The following LOXHD1 variants were observed in gnomAD, a reference collection of about 807,000 sequenced individuals.
The protein encoded by LOXHD1 is lipoxygenase homology PLAT domains 1.
Under a neutral mutation model 248.2 loss-of-function variants are expected in LOXHD1, and 205 were observed. That is an observed-to-expected ratio of 0.83 (90% CI 0.74 to 0.93). The LOEUF (loss-of-function observed/expected upper bound fraction) is 0.93, where lower values mean the gene tolerates loss of function less well. Among genes scored for constraint, LOXHD1 ranks in the 40% least tolerant of loss-of-function variants. The probability of loss-of-function intolerance (pLI) is 0.00; values close to 1 mark genes in which losing one functional copy is unlikely to be tolerated. For missense variants in LOXHD1, 2,930 were observed against 2,971.6 expected, an observed-to-expected ratio of 0.99 and a Z score of 0.33; for synonymous variants, 1,113 against 1,162.8, an observed-to-expected ratio of 0.96 and a Z score of 0.87.
intron 4 of LOXHD1, among the ~76,000 whole-genome samples, chr18:46,624,609 T>C (rs1448977319): frequency 6.6e-6 from 1 of 152,156 alleles, no homozygotes; most frequent in East Asian, 1.9e-4. Flanking sequence ...CAGGCTCTCG[T>C]CTACTGTCTC....
intron 34 of LOXHD1, among the ~76,000 whole-genome samples, chr18:46,510,236 A>G (rs951766903): frequency 6.6e-6 from 1 of 152,178 alleles, no homozygotes; most frequent in Non-Finnish European, 1.5e-5. Flanking sequence ...AAAAGCTGTA[A>G]ATGAGATTCT....
At chr18:46,477,258 T>C, downstream of LOXHD1, 1 of 767,430 alleles carries the variant, frequency 1.3e-6, no homozygotes, top group Non-Finnish European at 2.3e-6. Context: ...AAAATTATTT[T>C]TGGGCAGCCA....
chr18:46,553,342 T>C (rs1311917525), intron 21 of LOXHD1, among the ~76,000 whole-genome samples: 2 of 152,218 alleles, frequency 1.3e-5, no homozygotes, highest in South Asian at 2.1e-4. Context: ...GTTGTACAGA[T>C]GGAAGGCCTG....
At position 46,507,729 on chromosome 18, in the gene LOXHD1, C is replaced by T. The variant is rs970616113; in HGVS notation, c.5518-17G>A. The stretch of plus-strand genomic sequence containing the variant: ...CAGTAGGATCTGGGGGAGAGGGAGC[C>T]ACCGTGGGAATGCCCTGTCCTCCCT... On this transcript the variant is annotated splice_polypyrimidine_tract_variant and intron_variant, in intron 35 of 40. Coordinates refer to ENST00000642948, the MANE Select transcript of LOXHD1 (RefSeq NM_001384474.1). The T allele has an allele frequency of 6.5e-7, 1 of 1,544,592 alleles. No homozygotes were observed. Among genetic ancestry groups the T allele is most frequent in the Non-Finnish European group, 8.8e-7 (1 of 1,141,998 alleles).
At chr18:46,568,652 C>T (rs527303864) in intron 16 of LOXHD1, among the ~76,000 whole-genome samples, 3 of 152,188 alleles carry the variant, frequency 2.0e-5, no homozygotes, top group Non-Finnish European at 4.4e-5. Context: ...GGTTCCACAA[C>T]CCACATGTGC....
intron 21 of LOXHD1, among the ~76,000 whole-genome samples, chr18:46,550,147 T>C (rs1411544242): frequency 1.3e-5 from 2 of 152,204 alleles, no homozygotes; most frequent in Non-Finnish European, 2.9e-5. Context: ...TACTCCCAAA[T>C]ATCCCACCAT....
At chr18:46,496,482 C>T (rs878968439) in intron 37 of LOXHD1, among the ~76,000 whole-genome samples, 1 of 152,174 alleles carries the variant, frequency 6.6e-6, no homozygotes, top group African/African-American at 2.4e-5. Flanking sequence ...TTTCCTCATA[C>T]GTGTCTATGC....
At position 46,507,522 on chromosome 18, in the gene LOXHD1, G is replaced by C; in HGVS notation, c.5692+16C>G. On this transcript the variant is annotated intron_variant, in intron 36 of 40. Transcript: ENST00000642948. ...AGTGGTAAGGGAGCGGGAGGTGTGA[G>C]GGACCCCCGACCCACCCAGGATGTC... The C allele has an allele frequency of 6.4e-7, 1 of 1,551,552 alleles. No homozygotes were observed. Among genetic ancestry groups the C allele is most frequent in the Non-Finnish European group, 8.7e-7 (1 of 1,146,912 alleles).
intron 6 of LOXHD1, among the ~76,000 whole-genome samples, chr18:46,606,859 T>C (rs969814818): frequency 6.6e-6 from 1 of 152,142 alleles, no homozygotes; most frequent in African/African-American, 2.4e-5. Context: ...AAAACACTTA[T>C]TTCCATCATT....
chr18:46,611,070 C>A, intron 5 of LOXHD1, 146 bp from the exon 6 acceptor site: 1 of 923,512 alleles, frequency 1.1e-6, no homozygotes, highest in Non-Finnish European at 1.6e-6. Context: ...TTACATCCCT[C>A]CAGTCTCTGA....
chr18:46,485,176 G>T (rs1598816351), intron 38 of LOXHD1, 25 bp from the exon 39 acceptor site: 3 of 1,544,022 alleles, frequency 1.9e-6, no homozygotes, highest in East Asian at 2.5e-5. Context: ...GTGGGGGAGG[G>T]TCAGCACAGG....
At position 46,559,373 on chromosome 18, in the gene LOXHD1, G is replaced by A. The variant is rs115062504; in HGVS notation, c.3216+75C>T. 3.6e-4 allele frequency: 556 copies of A among 1,550,584 alleles called. 3 individuals are homozygous for A. The African/African-American group carries it at 6.7e-3, about 19-fold the overall frequency. On this transcript the variant is annotated intron_variant, in intron 20 of 40. Coordinates refer to ENST00000642948, the MANE Select transcript of LOXHD1 (RefSeq NM_001384474.1). ...CCAAACACAGCAGCCATTGTGCTGCGATGGGCTGCCATGGGAATCTCAGAG... is the reference window on the plus strand; with the variant it reads ...CCAAACACAGCAGCCATTGTGCTGCAATGGGCTGCCATGGGAATCTCAGAG...
At position 46,521,140 on chromosome 18, in the gene LOXHD1, A is replaced by T; in HGVS notation, c.5228T>A (p.Val1743Asp). Reference sequence around the variant, plus strand: ...CACCATGGCATCCAAGAGGTCGAAGACACGGGAGGTGATGCCGTCGCCTCT... The same window carrying T: ...CACCATGGCATCCAAGAGGTCGAAGTCACGGGAGGTGATGCCGTCGCCTCT... The part of the protein sequence containing the change: ...KDRGDGITSR[V>D]FDLLDAMVVN... Residue 1743 changes from valine (V) to aspartate (D), a missense_variant, in exon 33 of 41, where the codon GTC becomes GAC. Val to Asp is a radical substitution (Grantham distance 152, BLOSUM62 -3). Transcript: ENST00000642948. 1.9e-6 allele frequency: 3 copies of T among 1,551,748 alleles called. No individual in the cohort carries two copies. The highest frequency in any genetic ancestry group is 2.6e-6 in the Non-Finnish European group (3 of 1,146,994).
chr18:46,573,851 G>T (rs1243936395), intron 14 of LOXHD1, among the ~76,000 whole-genome samples: 2 of 152,154 alleles, frequency 1.3e-5, no homozygotes, highest in African/African-American at 4.8e-5. Flanking sequence ...CAAGGGCTTT[G>T]GTGCTGTGAA....
intron 37 of LOXHD1, 131 bp downstream of exon 37, chr18:46,505,702 TGGTGG>T (rs1196260867): frequency 1.3e-4 from 112 of 842,970 alleles, no homozygotes; most frequent in Non-Finnish European, 1.8e-4. Context: ...AGCATCAATG[TGGTGG>T]TCATCAACTG....
intron 21 of LOXHD1, among the ~76,000 whole-genome samples, chr18:46,553,446 G>A (rs1246368324): frequency 6.6e-6 from 1 of 152,184 alleles, no homozygotes; most frequent in Admixed American, 6.5e-5. Context: ...GACCATCAGG[G>A]TTCCTTTCTT....
intron 29 of LOXHD1, among the ~76,000 whole-genome samples, chr18:46,525,377 T>C (rs2035782613): frequency 6.6e-6 from 1 of 152,026 alleles, no homozygotes; most frequent in African/African-American, 2.4e-5. Context: ...GGGAGGGGGT[T>C]TGAAATTCCC....
At chr18:46,506,046 C>T in intron 36 of LOXHD1, 23 bp from the exon 37 acceptor site, 1 of 1,550,770 alleles carries the variant, frequency 6.4e-7, no homozygotes, top group Non-Finnish European at 8.7e-7. Flanking sequence ...CAAGGTGAGG[C>T]TTAGGGTGCC....
Position 46,533,302 on chromosome 18 carries a change from G to C in LOXHD1, c.4235C>G (p.Pro1412Arg). 3 of 1,551,832 alleles carry C rather than the reference G, an allele frequency of 1.9e-6. No homozygotes were observed. Among genetic ancestry groups the C allele is most frequent in the Non-Finnish European group, 2.6e-6 (3 of 1,147,022 alleles). Residue 1412 changes from proline (P) to arginine (R), a missense_variant, in exon 28 of 41, where the codon CCA (proline) becomes CGA (arginine). Coordinates refer to ENST00000642948, the MANE Select transcript of LOXHD1 (RefSeq NM_001384474.1). ...DKDGAETLTFPCDRWLATSED... is the reference protein window; with the variant it reads ...DKDGAETLTFRCDRWLATSED... Reference sequence around the variant, plus strand: ...AGAGGTGGCAAGCCACCGATCGCATGGGAAAGTCAAGGTCTCTGCACCCTG... The same window carrying C: ...AGAGGTGGCAAGCCACCGATCGCATCGGAAAGTCAAGGTCTCTGCACCCTG...
Sources: gnomAD v4.1 joint callset for allele counts (sites outside exome capture counted in the v4.1 genomes callset) on GRCh38, gnomAD v4.1.1 for gene constraint, MANE v1.5 for transcripts, NCBI Gene and HGNC (gene_info 2026-07-23, HGNC 2026-07-21) for gene names.